ANKHD1: variants seen among roughly 807,000 people sequenced by gnomAD.
ANKHD1 encodes ankyrin repeat and KH domain containing 1.
A neutral mutation model predicts 230.5 loss-of-function variants in ANKHD1; 31 were observed. The observed-to-expected ratio is 0.13, with a 90% CI of 0.10 to 0.18. The LOEUF (loss-of-function observed/expected upper bound fraction) is 0.18, where lower values mean the gene tolerates loss of function less well. Ranked by LOEUF, ANKHD1 falls within the 10% of genes least tolerant of loss-of-function variation. The pLI is 1.00. For synonymous variants in ANKHD1, 1,074 were observed against 1,117.6 expected (o/e 0.96, Z 0.78); for missense variants, 2,256 against 3,071.3 (o/e 0.73, Z 6.27).
At chr5:140,445,000 G>C (rs77574942) in intron 5 of ANKHD1, among the ~76,000 whole-genome samples, 1,672 of 152,110 alleles carry the variant, frequency 0.011, 15 homozygotes, top group Non-Finnish European at 0.018. Context: ...GACTACAGGG[G>C]TATGCCACCA....
Position 140,535,346 on chromosome 5 carries a change from A to G in ANKHD1, c.6851-16A>G, listed in dbSNP as rs781712044. ...AGTTTTAGCTAATTGGATGTCTTGG[A>G]CCTGTTTTATTTCAGGGTTACCATC... is the stretch of plus-strand genomic sequence containing the variant. On this transcript the variant is annotated splice_polypyrimidine_tract_variant and intron_variant, in intron 29 of 33. Transcript: ENST00000360839. The G allele has an allele frequency of 1.5e-5, 23 of 1,569,462 alleles. No homozygotes were observed. The highest frequency in any genetic ancestry group is 6.0e-5 in the Admixed American group (3 of 50,130).
At chr5:140,434,403 C>T (rs183460171) in intron 1 of ANKHD1, among the ~76,000 whole-genome samples, 41 of 149,838 alleles carry the variant, frequency 2.7e-4, no homozygotes, top group African/African-American at 8.8e-4. Context: ...TTGCATATTA[C>T]AGTAATATAT....
In ANKHD1 at chr5:140,539,067, G is replaced by T. The variant is rs372942163; in HGVS notation, c.7553G>T (p.Cys2518Phe). 132 of 1,606,326 alleles carry T rather than the reference G, an allele frequency of 8.2e-5. No individual in the cohort carries two copies. Among genetic ancestry groups the T allele is most frequent in the Non-Finnish European group, 1.1e-4 (130 of 1,177,416 alleles). The stretch of plus-strand genomic sequence containing the variant: ...AAAGTTATCCAAAATTCAACTGAAT[G>T]CACTGATGCCCAGCAGGTAAAATGG... ...MIKVIQNSTE[C>F]TDAQQIWPGT... Residue 2518 changes from cysteine (C) to phenylalanine (F), a missense_variant, in exon 33 of 34, where the codon TGC becomes TTC. Transcript: ENST00000360839.
chr5:140,524,947 A>AG, intron 25 of ANKHD1: 1 of 359,426 alleles, frequency 2.8e-6, no homozygotes, highest in Admixed American at 3.3e-5. Flanking sequence ...TAAAAAAAAA[A>AG]AAAAATTACA....
intron 1 of ANKHD1, among the ~76,000 whole-genome samples, chr5:140,435,784 C>T (rs1773402392): frequency 1.3e-5 from 2 of 152,152 alleles, no homozygotes; most frequent in Non-Finnish European, 2.9e-5. Flanking sequence ...ATCTGCCTGT[C>T]TGGCCCTCCC....
Position 140,538,118 on chromosome 5 carries a change from G to A in ANKHD1, c.7261G>A (p.Gly2421Arg). 6.2e-7 allele frequency: 1 copy of A among 1,613,128 alleles called. No homozygotes were observed. The highest frequency in any genetic ancestry group is 8.5e-7 in the Non-Finnish European group (1 of 1,179,566). Residue 2421 changes from glycine (G) to arginine (R), a missense_variant, in exon 32 of 34, where the codon GGG (glycine) becomes AGG (arginine). Coordinates refer to ENST00000360839, the MANE Select transcript of ANKHD1 (RefSeq NM_017747.3). ...ATCAGGTTGGTCGCAATCTGTGATG[G>A]GGAACCATCCAATGCATCAACAATT... ...GLSGWSQSVMGNHPMHQQLSD... is the reference protein window; with the variant it reads ...GLSGWSQSVMRNHPMHQQLSD...
intron 10 of ANKHD1, among the ~76,000 whole-genome samples, chr5:140,471,369 A>G (rs1177309909): frequency 1.3e-5 from 2 of 152,138 alleles, no homozygotes; most frequent in Non-Finnish European, 1.5e-5. Flanking sequence ...CATGTTGGAT[A>G]CTTTGTGCTT....
chr5:140,499,465 A>G (rs1466697019), intron 15 of ANKHD1, among the ~76,000 whole-genome samples: 1 of 152,180 alleles, frequency 6.6e-6, no homozygotes, highest in Non-Finnish European at 1.5e-5. Context: ...CTTTAGAAGT[A>G]AATTTTACTT....
intron 1 of ANKHD1, among the ~76,000 whole-genome samples, chr5:140,425,136 T>C (rs897412013): frequency 9.2e-5 from 14 of 152,350 alleles, no homozygotes; most frequent in African/African-American, 2.9e-4. Flanking sequence ...GAAGTTTTTG[T>C]GTTCGAGCAA....
rs550547995 is a variant in ANKHD1 at position 140,450,169 on chromosome 5, A to G, written c.1242+864A>G. 1.1e-4 allele frequency among the ~76,000 whole-genome samples: 16 copies of G among 152,192 alleles called. No homozygotes were observed. The South Asian group carries it at 3.3e-3, about 32-fold the overall frequency. On this transcript the variant is annotated intron_variant, in intron 7 of 33. Coordinates refer to ENST00000360839, the MANE Select transcript of ANKHD1 (RefSeq NM_017747.3). ...GAAAATTACCTGGAAGTGCAAACGC[A>G]TTTTTTCAGATGTGATTAAATAAGC... is the stretch of plus-strand genomic sequence containing the variant.
In ANKHD1 at chr5:140,422,156, C is replaced by G. The variant is rs59801185; in HGVS notation, c.307-13948C>G. On this transcript the variant is annotated intron_variant, in intron 1 of 33. Transcript: ENST00000360839. ...TGATTGATTGAGACGGAGTTTCACT[C>G]TTGTCGCCCAGGCTGGAGTGCAGTG... Among the ~76,000 whole-genome samples the G allele has an allele frequency of 1.9e-4, 29 of 152,248 alleles. No individual in the cohort carries two copies. In the East Asian group the frequency reaches 5.6e-3, roughly 29 times the overall value.
intron 9 of ANKHD1, among the ~76,000 whole-genome samples, chr5:140,462,714 G>C (rs1430211815): frequency 6.7e-5 from 2 of 29,988 alleles, no homozygotes; most frequent in Non-Finnish European, 1.5e-4. Context: ...GACAGAGCGA[G>C]ACTCCATCTC....
chr5:140,402,233 G>C lies in ANKHD1; in HGVS notation c.266G>C (p.Gly89Ala). 2.0e-6 allele frequency: 3 copies of C among 1,517,004 alleles called. No homozygotes were observed. The highest frequency in any genetic ancestry group is 2.6e-6 in the Non-Finnish European group (3 of 1,137,432). The allele number at this position is 1,517,004 out of a possible 1,614,324, so 94.0% of individuals were successfully genotyped here. Residue 89 changes from glycine to alanine, a missense_variant, in exon 1 of 34, where the codon GGA (glycine) becomes GCA (alanine). By Grantham distance (60) the Gly-to-Ala change is moderately conservative (BLOSUM62 0). Around this residue, in one of 13 missense-constraint regions of ANKHD1, gnomAD observed 193 missense variants for 185.8 expected, o/e 1.04. Transcript: ENST00000360839. ...LAAAVLRTGGGGGASGSDEDE... is the reference protein window; with the variant it reads ...LAAAVLRTGGAGGASGSDEDE... The stretch of plus-strand genomic sequence containing the variant: ...GCTGCCGTGCTGAGGACCGGGGGTG[G>C]AGGTGGTGCCTCTGGCAGTGACGAG...
In ANKHD1 at chr5:140,459,362, G is replaced by A; in HGVS notation, c.1672+7G>A. The A allele has an allele frequency of 6.5e-7, 1 of 1,541,358 alleles. No homozygotes were observed. The highest frequency in any genetic ancestry group is 8.8e-7 in the Non-Finnish European group (1 of 1,136,692). On this transcript the variant is annotated splice_region_variant and intron_variant, in intron 9 of 33. Coordinates refer to ENST00000360839, the MANE Select transcript of ANKHD1 (RefSeq NM_017747.3). ...AAATATTTGCTGGCTTCTGGTATGTGGCTTTAAGATGCCTTATTGCTCAGA... is the reference window on the plus strand; with the variant it reads ...AAATATTTGCTGGCTTCTGGTATGTAGCTTTAAGATGCCTTATTGCTCAGA...
chr5:140,478,363 CTTT>C (rs912642983), intron 10 of ANKHD1, among the ~76,000 whole-genome samples: 1 of 127,838 alleles, frequency 7.8e-6, no homozygotes, highest in Non-Finnish European at 1.7e-5. Context: ...CTTTCTTTTT[CTTT>C]TTTTTTTTTT....
At position 140,516,462 on chromosome 5, in the gene ANKHD1, C is replaced by G. The variant is rs537369666; in HGVS notation, c.4317+2983C>G. On this transcript the variant is annotated intron_variant, in intron 24 of 33. Transcript: ENST00000360839. Reference sequence around the variant, plus strand: ...CAGAGAACGCCACAAAGATACTCCTCGAGAAGAGCGACTCCAAGACACATA... The same window carrying G: ...CAGAGAACGCCACAAAGATACTCCTGGAGAAGAGCGACTCCAAGACACATA... Among the ~76,000 whole-genome samples, 13 of 152,142 alleles carry G rather than the reference C, an allele frequency of 8.5e-5. No homozygotes were observed. In the South Asian group the frequency reaches 2.7e-3, roughly 32 times the overall value.
chr5:140,410,320 ATTATG>A (rs1467321593), intron 1 of ANKHD1, among the ~76,000 whole-genome samples: 3 of 152,170 alleles, frequency 2.0e-5, no homozygotes, highest in Non-Finnish European at 2.9e-5. Flanking sequence ...AAAGTGATAA[ATTATG>A]TTATGAATGA....
rs1211043452 is a variant in ANKHD1 at position 140,438,571 on chromosome 5, A to G, written c.571A>G (p.Thr191Ala). 1 of 1,612,234 alleles carries G rather than the reference A, an allele frequency of 6.2e-7. No homozygotes were observed. Among genetic ancestry groups the G allele is most frequent in the African/African-American group, 1.3e-5 (1 of 75,032 alleles). Residue 191 changes from threonine (T) to alanine (A), a missense_variant, in exon 3 of 34, where the codon ACA becomes GCA. By Grantham distance (58) the Thr-to-Ala change is moderately conservative. Around this residue, in one of 13 missense-constraint regions of ANKHD1, gnomAD observed 206 missense variants for 304.5 expected, o/e 0.68. Transcript: ENST00000360839. ...CALDEAAAAL[T>A]RMKAENSHNA... is the part of the protein sequence containing the mutation. The stretch of plus-strand genomic sequence containing the variant: ...ACTGGATGAAGCTGCTGCTGCACTG[A>G]CACGGATGAAAGCAGAAAACAGCCA...
chr5:140,537,274 G>T, intron 30 of ANKHD1, 115 bp from the exon 31 acceptor site: 1 of 1,449,544 alleles, frequency 6.9e-7, no homozygotes, highest in Non-Finnish European at 9.1e-7. Context: ...TTTCCAACAA[G>T]GTTTCTCATA....
Sources: gnomAD v4.1 joint callset for allele counts (sites outside exome capture counted in the v4.1 genomes callset) on GRCh38, gnomAD v4.1.1 for gene constraint, gnomAD v4.1.1 regional missense constraint, MANE v1.5 for transcripts, NCBI Gene and HGNC (gene_info 2026-07-23, HGNC 2026-07-21) for gene names.